SKAP1: variants seen among roughly 807,000 people sequenced by gnomAD.
SKAP1 encodes src kinase associated phosphoprotein 1.
A neutral mutation model predicts 58.5 loss-of-function variants in SKAP1; 44 were observed. The observed-to-expected ratio is 0.75, with a 90% CI of 0.59 to 0.97. The LOEUF (loss-of-function observed/expected upper bound fraction) is 0.97. Ranked by LOEUF, SKAP1 falls within the 50% of genes least tolerant of loss-of-function variation. The pLI, the probability that SKAP1 is intolerant of heterozygous loss-of-function variation, is 0.00. For synonymous variants in SKAP1, 127 were observed against 149.7 expected, an observed-to-expected ratio of 0.85 and a Z score of 1.11; for missense variants, 390 against 435.2, an observed-to-expected ratio of 0.90 and a Z score of 0.92.
rs749714090 is a variant in SKAP1, at chr17:48,396,673, T to C, written c.152+7A>G. The stretch of plus-strand genomic sequence containing the variant: ...GAAGAAGATTAATGGAACCAGTTTA[T>C]ACAAACCTGGCTTTGATTTGCTGAA... On this transcript the variant is annotated splice_region_variant and intron_variant, in intron 2 of 12. Transcript: ENST00000336915. The C allele has an allele frequency of 1.3e-6, 2 of 1,581,186 alleles. No individual in the cohort carries two copies. Among genetic ancestry groups the C allele is most frequent in the African/African-American group, 1.3e-5 (1 of 74,254 alleles).
At chr17:48,139,643 TC>T in intron 11 of SKAP1, among the ~76,000 whole-genome samples, 1 of 152,060 alleles carries the variant, frequency 6.6e-6, no homozygotes, top group East Asian at 1.9e-4. Context: ...AAATTCAGAG[TC>T]CCTAGCATTA....
At chr17:48,343,111 A>G (rs556055088) in intron 4 of SKAP1, among the ~76,000 whole-genome samples, 46 of 152,190 alleles carry the variant, frequency 3.0e-4, no homozygotes, top group African/African-American at 1.1e-3. Flanking sequence ...TCCCAGTGAG[A>G]TGGTAAGCTC....
chr17:48,252,694 A>AG (rs1247133967), intron 4 of SKAP1, among the ~76,000 whole-genome samples: 1 of 149,476 alleles, frequency 6.7e-6, no homozygotes, highest in African/African-American at 2.5e-5. Flanking sequence ...TGTGATAAAA[A>AG]TGGCCAAAGC....
intron 5 of SKAP1, 79 bp from the exon 6 acceptor site, chr17:48,188,005 G>T: frequency 1.0e-6 from 1 of 994,518 alleles, no homozygotes; most frequent in Non-Finnish European, 1.6e-6. Context: ...ACAACATACA[G>T]TCCAGTGTGT....
intron 8 of SKAP1, 109 bp from the exon 9 acceptor site, chr17:48,180,357 G>T: frequency 1.2e-6 from 1 of 806,830 alleles, no homozygotes; most frequent in Non-Finnish European, 1.9e-6. Context: ...TATGTCAAAT[G>T]AAAATGAAAC....
At chr17:48,296,264 T>C (rs1226714160) in intron 4 of SKAP1, among the ~76,000 whole-genome samples, 1 of 152,190 alleles carries the variant, frequency 6.6e-6, no homozygotes, top group Non-Finnish European at 1.5e-5. Flanking sequence ...ATGCATACTT[T>C]ACAGATGGAT....
At chr17:48,153,746 A>G (rs72825548) in intron 11 of SKAP1, among the ~76,000 whole-genome samples, 21,168 of 151,558 alleles carry the variant, frequency 0.14, 2,044 homozygotes, top group Non-Finnish European at 0.2. Flanking sequence ...CCAGGCCTAT[A>G]TTCTCCCCAC....
intron 11 of SKAP1, among the ~76,000 whole-genome samples, chr17:48,162,132 A>G (rs907627855): frequency 6.6e-6 from 1 of 151,894 alleles, no homozygotes; most frequent in African/African-American, 2.4e-5. Context: ...CACCTGGTTA[A>G]TTTTCTGTAG....
chr17:48,225,934 G>A (rs910337665), intron 4 of SKAP1, among the ~76,000 whole-genome samples: 1 of 152,292 alleles, frequency 6.6e-6, no homozygotes, highest in South Asian at 2.1e-4. Flanking sequence ...AATAATCAAA[G>A]GTATCAGCCA....
intron 4 of SKAP1, among the ~76,000 whole-genome samples, chr17:48,240,940 G>T (rs1280636334): frequency 6.6e-6 from 1 of 152,204 alleles, no homozygotes; most frequent in African/African-American, 2.4e-5. Context: ...AGTCCCTAGT[G>T]TACTCTGAGA....
At chr17:48,385,642 A>T (rs1176817850) in intron 2 of SKAP1, among the ~76,000 whole-genome samples, 2 of 152,332 alleles carry the variant, frequency 1.3e-5, no homozygotes, top group Non-Finnish European at 2.9e-5. Context: ...AAGATTGAAT[A>T]GTGAAAGTCC....
chr17:48,363,932 C>G, intron 2 of SKAP1, 118 bp from the exon 3 acceptor site: 2 of 605,876 alleles, frequency 3.3e-6, no homozygotes, highest in Non-Finnish European at 5.5e-6. Context: ...TATAACCAGC[C>G]AAAGTCACTA....
intron 11 of SKAP1, among the ~76,000 whole-genome samples, chr17:48,162,052 G>A (rs1380333565): frequency 6.6e-6 from 1 of 151,970 alleles, no homozygotes; most frequent in African/African-American, 2.4e-5. Context: ...TGCAAGCTCC[G>A]CCTCCCGGGT....
intron 4 of SKAP1, among the ~76,000 whole-genome samples, chr17:48,256,300 A>G (rs1310391393): frequency 6.6e-6 from 1 of 152,156 alleles, no homozygotes; most frequent in East Asian, 1.9e-4. Context: ...ATGGTCTGAT[A>G]TTACATACAG....
intron 1 of SKAP1, among the ~76,000 whole-genome samples, chr17:48,415,137 T>C (rs767602043): frequency 6.6e-6 from 1 of 152,168 alleles, no homozygotes; most frequent in Non-Finnish European, 1.5e-5. Flanking sequence ...CCAAATGCTG[T>C]TGAAAACAAC....
chr17:48,289,655 T>C (rs1377210490), intron 4 of SKAP1, among the ~76,000 whole-genome samples: 1 of 151,982 alleles, frequency 6.6e-6, no homozygotes, highest in African/African-American at 2.4e-5. Context: ...CAGAAAAAAA[T>C]GAAAATACAG....
chr17:48,349,105 C>T (rs930632201), intron 3 of SKAP1, among the ~76,000 whole-genome samples: 1 of 152,176 alleles, frequency 6.6e-6, no homozygotes, highest in Admixed American at 6.5e-5. Flanking sequence ...TATACACTCC[C>T]ATGTAATTGA....
intron 3 of SKAP1, among the ~76,000 whole-genome samples, chr17:48,363,119 T>C (rs1295999448): frequency 6.6e-6 from 1 of 152,242 alleles, no homozygotes; most frequent in Non-Finnish European, 1.5e-5. Flanking sequence ...ATTCTGAACC[T>C]TTTAAAAATG....
intron 4 of SKAP1, among the ~76,000 whole-genome samples, chr17:48,238,473 C>T (rs1173490143): frequency 6.6e-6 from 1 of 151,926 alleles, no homozygotes; most frequent in Admixed American, 6.6e-5. Flanking sequence ...GATCACAGCT[C>T]ACTGTAGCCT....
Sources: allele counts gnomAD v4.1 joint callset (sites outside exome capture counted in the v4.1 genomes callset), GRCh38; gene constraint gnomAD v4.1.1; transcripts MANE v1.5; gene names NCBI Gene and HGNC (gene_info 2026-07-23, HGNC 2026-07-21).